SNX29: variants seen among roughly 807,000 people sequenced by gnomAD.
SNX29 encodes the protein sorting nexin-29.
A neutral mutation model predicts 102.1 loss-of-function variants in SNX29; 78 were observed. The observed-to-expected ratio is 0.76, with a 90% CI of 0.64 to 0.92. The LOEUF is 0.92. Ranked by LOEUF, SNX29 falls within the 40% of genes least tolerant of loss-of-function variation. The pLI is 0.00. For missense variants in SNX29, 1,280 were observed against 1,061.7 expected (o/e 1.21, Z -2.86); for synonymous variants, 580 against 414.5 (o/e 1.40, Z -4.85).
At chr16:12,539,491 G>A (rs891218833) in intron 20 of SNX29, among the ~76,000 whole-genome samples, 2 of 152,184 alleles carry the variant, frequency 1.3e-5, no homozygotes, top group African/African-American at 4.8e-5. Flanking sequence ...AGTCATAAAG[G>A]AATAAAGTTG....
At chr16:12,552,624 C>T (rs774360633) in intron 20 of SNX29, among the ~76,000 whole-genome samples, 2 of 151,660 alleles carry the variant, frequency 1.3e-5, no homozygotes, top group Admixed American at 1.3e-4. Context: ...AAGCAAAAAC[C>T]AAACACCAAA....
intron 18 of SNX29, among the ~76,000 whole-genome samples, chr16:12,425,013 T>C (rs550439563): frequency 1.3e-5 from 2 of 152,364 alleles, no homozygotes; most frequent in East Asian, 3.9e-4. Context: ...AGATTAAAGA[T>C]GTGTAACTAC....
At chr16:12,423,366 C>T (rs1277116032) in intron 18 of SNX29, among the ~76,000 whole-genome samples, 1 of 152,092 alleles carries the variant, frequency 6.6e-6, no homozygotes, top group Non-Finnish European at 1.5e-5. Context: ...GGATGAACAT[C>T]GGGCATGAGC....
At chr16:12,084,721 C>T (rs765495259) in intron 11 of SNX29, among the ~76,000 whole-genome samples, 2 of 152,094 alleles carry the variant, frequency 1.3e-5, no homozygotes, top group Non-Finnish European at 2.9e-5. Flanking sequence ...AAATCATGGG[C>T]GGCCATGAAG....
At chr16:12,428,500 C>G (rs1002937426) in intron 18 of SNX29, among the ~76,000 whole-genome samples, 1 of 152,216 alleles carries the variant, frequency 6.6e-6, no homozygotes, top group Non-Finnish European at 1.5e-5. Context: ...AAACAAAGGA[C>G]TCACATAGAT....
chr16:11,999,422 C>A (rs2056206740), intron 2 of SNX29, 64 bp downstream of exon 2: 4 of 1,510,244 alleles, frequency 2.6e-6, no homozygotes, highest in East Asian at 2.3e-5. Flanking sequence ...TAATGTAGGT[C>A]ATTTCTTCCC....
At chr16:12,232,629 G>A (rs1384208970) in intron 14 of SNX29, among the ~76,000 whole-genome samples, 1 of 152,158 alleles carries the variant, frequency 6.6e-6, no homozygotes, top group African/African-American at 2.4e-5. Context: ...TAGTGGAAAC[G>A]TTGGGGAATC....
chr16:12,186,215 A>T (rs1038923111), intron 13 of SNX29, among the ~76,000 whole-genome samples: 1 of 152,122 alleles, frequency 6.6e-6, no homozygotes, highest in African/African-American at 2.4e-5. Context: ...TCAGTTTCTA[A>T]AGGAACTTCT....
intron 20 of SNX29, among the ~76,000 whole-genome samples, chr16:12,537,292 T>G (rs962036819): frequency 6.6e-6 from 1 of 152,146 alleles, no homozygotes; most frequent in Admixed American, 6.5e-5. Context: ...GTGTGGTACA[T>G]GTTTGGATTT....
intron 13 of SNX29, among the ~76,000 whole-genome samples, chr16:12,191,183 G>T (rs1200774323): frequency 1.3e-5 from 2 of 152,164 alleles, no homozygotes; most frequent in African/African-American, 4.8e-5. Context: ...GTGCTCCTAT[G>T]AGAATCTAAG....
intron 18 of SNX29, among the ~76,000 whole-genome samples, chr16:12,446,257 T>C (rs1040919301): frequency 2.6e-5 from 4 of 152,142 alleles, no homozygotes; most frequent in African/African-American, 9.7e-5. Context: ...GGTTTCACCA[T>C]GTTGGCCAGG....
intron 13 of SNX29, among the ~76,000 whole-genome samples, chr16:12,178,317 G>A (rs953344510): frequency 6.6e-6 from 1 of 152,130 alleles, no homozygotes; most frequent in African/African-American, 2.4e-5. Context: ...GAAGGGCGCC[G>A]GTGCTGGGAG....
chr16:12,552,526 A>C (rs550408157), intron 20 of SNX29, among the ~76,000 whole-genome samples: 1 of 152,252 alleles, frequency 6.6e-6, no homozygotes, highest in Admixed American at 6.5e-5. Flanking sequence ...ATGGGCCTTC[A>C]TTTCTCAGTG....
At chr16:12,566,898 GAC>G (rs1481540873) in intron 20 of SNX29, among the ~76,000 whole-genome samples, 21 of 152,354 alleles carry the variant, frequency 1.4e-4, no homozygotes, top group Middle Eastern at 3.4e-3. Flanking sequence ...TACAGGAAAA[GAC>G]AATCATTAAA....
intron 15 of SNX29, among the ~76,000 whole-genome samples, chr16:12,347,948 A>G (rs2081866765): frequency 6.6e-6 from 1 of 150,920 alleles, no homozygotes; most frequent in African/African-American, 2.4e-5. Flanking sequence ...GCATGGTGGC[A>G]CATGGCTGTA....
intron 9 of SNX29, among the ~76,000 whole-genome samples, chr16:12,066,721 G>C (rs2051054780): frequency 6.6e-6 from 1 of 151,216 alleles, no homozygotes; most frequent in East Asian, 1.9e-4. Flanking sequence ...GGTTGAGAGA[G>C]GGGAGCGCCA....
At chr16:12,424,853 G>A (rs1407116214) in intron 18 of SNX29, among the ~76,000 whole-genome samples, 1 of 152,174 alleles carries the variant, frequency 6.6e-6, no homozygotes, top group Non-Finnish European at 1.5e-5. Context: ...CTAGCTTCTT[G>A]TCATCATGGA....
intron 16 of SNX29, among the ~76,000 whole-genome samples, chr16:12,374,166 T>C (rs1426556741): frequency 1.3e-5 from 2 of 152,256 alleles, no homozygotes; most frequent in Non-Finnish European, 2.9e-5. Flanking sequence ...CCAGTTTGGA[T>C]GACACTTCAC....
At chr16:12,291,321 T>A (rs1017118375) in intron 15 of SNX29, among the ~76,000 whole-genome samples, 6 of 152,180 alleles carry the variant, frequency 3.9e-5, no homozygotes, top group Non-Finnish European at 7.3e-5. Context: ...ATGTCTAACA[T>A]GGATGGTGGC....
Sources: allele counts gnomAD v4.1 joint callset (sites outside exome capture counted in the v4.1 genomes callset), GRCh38; gene constraint gnomAD v4.1.1; transcripts MANE v1.5; gene names NCBI Gene and HGNC (gene_info 2026-07-23, HGNC 2026-07-21).